CCDC57: variants seen among roughly 807,000 people sequenced by gnomAD.
CCDC57 encodes coiled-coil domain containing 57.
CCDC57 carries 118 observed loss-of-function variants against 118.9 expected under a neutral mutation model. That is an observed-to-expected ratio of 0.99 (90% CI 0.86 to 1.16). The LOEUF is 1.16. Ranked by LOEUF, CCDC57 falls within the 50% of genes most tolerant of loss-of-function variation. CCDC57 has a pLI of 0.00. For synonymous variants in CCDC57, 527 were observed against 532.9 expected (o/e 0.99, Z 0.15); for missense variants, 1,300 against 1,320.7 (o/e 0.98, Z 0.24).
At chr17:82,110,138 G>A (rs1043771666) in intron 19 of CCDC57, among the ~76,000 whole-genome samples, 4 of 151,426 alleles carry the variant, frequency 2.6e-5, no homozygotes, top group Admixed American at 2.0e-4. Context: ...CTGCCACCAC[G>A]GCCAGATAAT....
At chr17:82,104,187 GCCTGA>G (rs1355351164) in intron 19 of CCDC57, among the ~76,000 whole-genome samples, 1 of 152,196 alleles carries the variant, frequency 6.6e-6, no homozygotes, top group Non-Finnish European at 1.5e-5. Flanking sequence ...CCGCCTTCTC[GCCTGA>G]CCTGTTTTGC....
chr17:82,158,577 A>G (rs759942976), intron 14 of CCDC57, among the ~76,000 whole-genome samples: 1 of 151,478 alleles, frequency 6.6e-6, no homozygotes, highest in Non-Finnish European at 1.5e-5. Context: ...GGTCCCAGCT[A>G]CTTGGGAGGC....
At chr17:82,126,372 A>AT in intron 19 of CCDC57, 1 of 974,088 alleles carries the variant, frequency 1.0e-6, no homozygotes, top group Non-Finnish European at 1.2e-6. Flanking sequence ...ACACCATAAT[A>AT]AACATTTAAA....
At chr17:82,201,545 C>T (rs765204621) in exon 3 of CCDC57, 35 of 1,601,560 alleles carry the variant, frequency 2.2e-5, no homozygotes, top group Middle Eastern at 1.7e-4. Context: ...CACCTGTGGA[C>T]GCGCTCCAGC....
intron 14 of CCDC57, among the ~76,000 whole-genome samples, chr17:82,159,062 T>C (rs2043011104): frequency 6.6e-6 from 1 of 152,234 alleles, no homozygotes; most frequent in Non-Finnish European, 1.5e-5. Flanking sequence ...AGATGGGGTC[T>C]TGCTGTGTTG....
chr17:82,151,181 G>A (rs111864419), intron 16 of CCDC57, among the ~76,000 whole-genome samples: 1,301 of 26,410 alleles, frequency 0.049, 102 homozygotes, highest in East Asian at 0.12. Flanking sequence ...AGAACCAGGC[G>A]CACACCCAGA....
chr17:82,113,565 T>C (rs1451872731), intron 19 of CCDC57: 3 of 717,634 alleles, frequency 4.2e-6, no homozygotes, highest in Non-Finnish European at 7.8e-6. Flanking sequence ...CCTCCATTCA[T>C]TCCCCCTCGC....
At chr17:82,201,927 T>C in exon 3 of CCDC57, 1 of 1,597,024 alleles carries the variant, frequency 6.3e-7, no homozygotes, top group Non-Finnish European at 8.6e-7. Flanking sequence ...GGGCGGGCTC[T>C]GAGCCCAGTG....
chr17:82,201,781 T>G (rs781243792), exon 3 of CCDC57: 7 of 1,613,670 alleles, frequency 4.3e-6, no homozygotes. Flanking sequence ...GACAAAGTCC[T>G]CCTGCAGGCA....
chr17:82,104,822 G>A (rs7222764), intron 19 of CCDC57: 37,520 of 152,310 alleles, frequency 0.25, 5,177 homozygotes, highest in Non-Finnish European at 0.31. Flanking sequence ...TACAGGTGTG[G>A]GCCACCAAGC....
At chr17:82,128,699 T>C (rs774925419) in intron 17 of CCDC57, 102 bp from the exon 17 acceptor site, 37 of 916,822 alleles carry the variant, frequency 4.0e-5, no homozygotes, top group Admixed American at 6.8e-5. Context: ...CCTTCCCACA[T>C]TTCTGGTATT....
intron 2 of CCDC57, among the ~76,000 whole-genome samples, chr17:82,204,173 C>T (rs905736749): frequency 2.6e-5 from 4 of 152,274 alleles, no homozygotes; most frequent in South Asian, 4.1e-4. Context: ...ATGCAACCCC[C>T]GCGCCCAGCA....
chr17:82,191,437 A>G (rs897804851), intron 7 of CCDC57, among the ~76,000 whole-genome samples: 1 of 152,172 alleles, frequency 6.6e-6, no homozygotes, highest in African/African-American at 2.4e-5. Context: ...ACCATATAGA[A>G]ACATTTTTAG....
rs934505643 is a variant in CCDC57 at position 82,118,666 on chromosome 17, G to A, written c.2899+9026C>T. ...TTCTTTGGGGTGAGGTCAGACATCTGCCTGGGTGCTTCTCTGGAACTGCCT... is the reference window on the plus strand; with the variant it reads ...TTCTTTGGGGTGAGGTCAGACATCTACCTGGGTGCTTCTCTGGAACTGCCT... On this transcript the variant is annotated intron_variant, in intron 19 of 19. Coordinates refer to ENST00000665763, the Ensembl canonical transcript of CCDC57. This position sits in a 1 kb window ranked among gnomAD's most constrained non-coding sequence, Gnocchi z 4.7. 6.6e-6 allele frequency among the ~76,000 whole-genome samples: 1 copy of A among 152,112 alleles called. No individual in the cohort carries two copies. Among genetic ancestry groups the A allele is most frequent in the East Asian group, 1.9e-4 (1 of 5,188 alleles).
chr17:82,123,294 T>G (rs1323366555), intron 19 of CCDC57, among the ~76,000 whole-genome samples: 14 of 11,284 alleles, frequency 1.2e-3, no homozygotes, highest in Non-Finnish European at 2.3e-3. Context: ...TGCCCGGCCC[T>G]TTTTTTTTTT....
intron 19 of CCDC57, among the ~76,000 whole-genome samples, chr17:82,108,501 C>T (rs1211657445): frequency 6.6e-6 from 1 of 152,166 alleles, no homozygotes; most frequent in Non-Finnish European, 1.5e-5. Flanking sequence ...GCATTGGTGT[C>T]ATGTTATCGC....
intron 16 of CCDC57, among the ~76,000 whole-genome samples, chr17:82,146,529 A>C (rs191360177): frequency 8.9e-4 from 136 of 152,240 alleles, no homozygotes; most frequent in African/African-American, 3.0e-3. Context: ...TCAGACACAC[A>C]ACACCATGCC....
chr17:82,210,625 A>G (rs1226074447), intron 1 of CCDC57, among the ~76,000 whole-genome samples: 16 of 140,900 alleles, frequency 1.1e-4, no homozygotes, highest in African/African-American at 2.7e-4. Flanking sequence ...GGTTGCAGTG[A>G]GCCGAGATCA....
chr17:82,119,569 G>C (rs574656564), intron 19 of CCDC57, among the ~76,000 whole-genome samples: 148 of 152,310 alleles, frequency 9.7e-4, no homozygotes, highest in African/African-American at 3.5e-3. Context: ...AGGAAGGAAG[G>C]AAGCTGGATG....
Sources: allele counts gnomAD v4.1 joint callset (sites outside exome capture counted in the v4.1 genomes callset), GRCh38; gene constraint gnomAD v4.1.1; non-coding constraint Gnocchi (gnomAD v3.1); transcripts MANE v1.5; gene names NCBI Gene and HGNC (gene_info 2026-07-23, HGNC 2026-07-21).